The following NEK5 variants were observed in gnomAD, a reference collection of about 807,000 sequenced individuals.
NEK5 encodes the protein NIMA related kinase 5.
NEK5 carries 88 observed loss-of-function variants against 109.2 expected under a neutral mutation model. The observed-to-expected ratio is 0.81, with a 90% CI of 0.68 to 0.96. NEK5 has a LOEUF of 0.96. Ranked by LOEUF, NEK5 falls within the 40% of genes least tolerant of loss-of-function variation. The pLI, the probability that NEK5 is intolerant of heterozygous loss-of-function variation, is 0.00. For synonymous variants in NEK5, 283 were observed against 299.9 expected (o/e 0.94, Z 0.58); for missense variants, 834 against 920.7 (o/e 0.91, Z 1.22).
intron 9 of NEK5, among the ~76,000 whole-genome samples, chr13:52,103,356 A>G (rs1955581097): frequency 1.3e-5 from 2 of 152,216 alleles, no homozygotes; most frequent in Admixed American, 6.5e-5. Context: ...GCTTGTACCC[A>G]GGAGTCAGAG....
chr13:52,089,324 A>T lies in NEK5; in HGVS notation c.1209-11T>A. ...AGGTACTCAGCAGGCCTTAGAAAAT[A>T]AGAATGTTCAGCTTAAGTAGAAACT... On this transcript the variant is annotated splice_polypyrimidine_tract_variant and intron_variant, in intron 13 of 23. Coordinates refer to ENST00000684899, the MANE Select transcript of NEK5 (RefSeq NM_001365552.1). The T allele has an allele frequency of 6.3e-7, 1 of 1,576,970 alleles. No individual in the cohort carries two copies. The highest frequency in any genetic ancestry group is 8.7e-7 in the Non-Finnish European group (1 of 1,149,154).
chr13:52,039,346 C>G (rs1417366602), intron 23 of NEK5, among the ~76,000 whole-genome samples: 5 of 152,104 alleles, frequency 3.3e-5, no homozygotes, highest in African/African-American at 1.2e-4. Context: ...ATGGAGGACC[C>G]CACTAAAACT....
chr13:52,084,714 AGAGAGAGAGAGAGAGAGAGT>A (rs1405590824), intron 16 of NEK5, among the ~76,000 whole-genome samples: 9 of 127,168 alleles, frequency 7.1e-5, no homozygotes, highest in East Asian at 2.2e-4. Context: ...ATTTAAAGAG[AGAGAGAGAGAGAGAGAGAGT>A]GAGAGAGAGA....
chr13:52,064,882 G>T, intron 21 of NEK5: 1 of 266,760 alleles, frequency 3.7e-6, no homozygotes, highest in Non-Finnish European at 7.2e-6. Context: ...TGGATTAAGG[G>T]CAGTGCAAGA....
chr13:52,089,032 A>C (rs933856435), intron 14 of NEK5, among the ~76,000 whole-genome samples: 3 of 152,034 alleles, frequency 2.0e-5, no homozygotes, highest in African/African-American at 4.8e-5. Context: ...CAGAGGTTGC[A>C]GTGAGCCAAG....
At chr13:52,127,168 G>A (rs973712165) in intron 3 of NEK5, among the ~76,000 whole-genome samples, 198 bp downstream of exon 3, 3 of 152,292 alleles carry the variant, frequency 2.0e-5, no homozygotes, top group African/African-American at 7.2e-5. Flanking sequence ...ACAGGGGTGA[G>A]CCAGTGCGTC....
intron 22 of NEK5, among the ~76,000 whole-genome samples, chr13:52,060,397 C>T (rs1252165854): frequency 6.6e-6 from 1 of 152,138 alleles, no homozygotes; most frequent in Non-Finnish European, 1.5e-5. Flanking sequence ...TCTTGTCCCC[C>T]AGGCTGGAGT....
In NEK5 at chr13:52,102,193, A is replaced by AT; in HGVS notation, c.708dup (p.Ser237IlefsTer34). ...CGAGGAGATACTTGAAAGAGCTGAGATATCAAGGAATGGAGCTCACGAGAA... is the reference window on the plus strand; with the variant it reads ...CGAGGAGATACTTGAAAGAGCTGAGATTATCAAGGAATGGAGCTCACGAGAA... On this transcript the variant is annotated frameshift_variant, in exon 10 of 24. Transcript: ENST00000684899. LOFTEE classifies it high-confidence loss of function. The AT allele has an allele frequency of 6.2e-7, 1 of 1,613,708 alleles. No homozygotes were observed. Among genetic ancestry groups the AT allele is most frequent in the Non-Finnish European group, 8.5e-7 (1 of 1,179,596 alleles).
At chr13:52,050,720 C>CTTTTTTTTTTTT (rs772811272) in intron 22 of NEK5, among the ~76,000 whole-genome samples, 4 of 99,940 alleles carry the variant, frequency 4.0e-5, no homozygotes, top group Non-Finnish European at 4.2e-5. Flanking sequence ...TTGTTTTTTT[C>CTTTTTTTTTTTT]TTTTTTTTTT....
At chr13:52,095,631 T>A (rs988149409) in intron 12 of NEK5, among the ~76,000 whole-genome samples, 22 of 152,236 alleles carry the variant, frequency 1.4e-4, no homozygotes, top group Admixed American at 1.3e-3. Context: ...CTCACGCCTA[T>A]AATCCCAGCA....
intron 11 of NEK5, among the ~76,000 whole-genome samples, chr13:52,101,372 C>T (rs1431614532): frequency 6.6e-6 from 1 of 152,004 alleles, no homozygotes; most frequent in Non-Finnish European, 1.5e-5. Flanking sequence ...TGCACTCCAG[C>T]CTGGGCGACA....
At position 52,089,054 on chromosome 13, in the gene NEK5, G is replaced by A. The variant is rs553437491; in HGVS notation, c.1275+193C>T. 2.7e-3 allele frequency among the ~76,000 whole-genome samples: 413 copies of A among 151,880 alleles called. 3 individuals carry two copies. Among genetic ancestry groups the A allele is most frequent in the African/African-American group, 7.5e-3 (309 of 41,368 alleles). ...TGCAGTGAGCCAAGATCACACCACT[G>A]CACTCCAGCCTGGTGACAGAGCGAG... On this transcript the variant is annotated intron_variant, in intron 14 of 23. Coordinates refer to ENST00000684899, the MANE Select transcript of NEK5 (RefSeq NM_001365552.1).
rs1407766470 is a variant in NEK5 at position 52,037,220 on chromosome 13, T to C, written c.2229-2A>G. On this transcript the variant is annotated splice_acceptor_variant, in intron 23 of 23. Transcript: ENST00000684899. LOFTEE classifies it high-confidence loss of function. ...TCATCTTCAGATTCTTCAAAATTTC[T>C]GAAATAATAAGCAGTAAAAATCAGC... The C allele has an allele frequency of 1.0e-6, 1 of 981,176 alleles. No individual in the cohort carries two copies. Among genetic ancestry groups the C allele is most frequent in the Non-Finnish European group, 1.2e-6 (1 of 826,224 alleles). 60.8% of individuals were successfully genotyped at this position (981,176 alleles called of 1,614,324 possible).
At position 52,112,454 on chromosome 13, in the gene NEK5, T is replaced by C. The variant is rs1270186512; in HGVS notation, c.215-89A>G. On this transcript the variant is annotated intron_variant, in intron 4 of 23. Transcript: ENST00000684899. ...TGTGGAATCAAGATGGACTGGGTTCTAATTCCACTATACCATTTATATTTC... is the reference window on the plus strand; with the variant it reads ...TGTGGAATCAAGATGGACTGGGTTCCAATTCCACTATACCATTTATATTTC... 4.9e-6 allele frequency: 4 copies of C among 811,768 alleles called. No homozygotes were observed. The African/African-American group carries it at 6.8e-5, about 14-fold the overall frequency. The allele number at this position is 811,768 out of a possible 1,614,324, so 50.3% of individuals were successfully genotyped here. A position where few individuals can be genotyped will look rare whatever the true frequency, so the allele number is the denominator to read the frequency against.
intron 23 of NEK5, 37 bp from the exon 24 acceptor site, chr13:52,037,255 T>C (rs1954368629): frequency 1.1e-6 from 1 of 909,646 alleles, no homozygotes; most frequent in Non-Finnish European, 1.3e-6. Context: ...CATTATGATA[T>C]GAAAGTACTG....
intron 21 of NEK5, among the ~76,000 whole-genome samples, chr13:52,062,708 T>G (rs982977326): frequency 2.6e-5 from 4 of 152,100 alleles, no homozygotes; most frequent in Non-Finnish European, 4.4e-5. Flanking sequence ...CGTAAACCAC[T>G]GCACCCAGCC....
At chr13:52,080,303 T>C (rs898455837) in intron 17 of NEK5, among the ~76,000 whole-genome samples, 3 of 146,600 alleles carry the variant, frequency 2.0e-5, no homozygotes, top group Non-Finnish European at 4.5e-5. Context: ...AGCCGCCTCG[T>C]CCGGGAGGTG....
chr13:52,087,152 A>G (rs1955163132), intron 15 of NEK5, among the ~76,000 whole-genome samples, 186 bp downstream of exon 15: 1 of 152,232 alleles, frequency 6.6e-6, no homozygotes, highest in Admixed American at 6.5e-5. Context: ...GAAAAGCTTT[A>G]TGAACTTAGC....
chr13:52,068,240 G>A (rs1954721869), intron 20 of NEK5, among the ~76,000 whole-genome samples: 1 of 152,040 alleles, frequency 6.6e-6, no homozygotes, highest in Non-Finnish European at 1.5e-5. Flanking sequence ...CACCCTTACT[G>A]TCCACCCTCC....
Sources: gnomAD v4.1 joint callset for allele counts (sites outside exome capture counted in the v4.1 genomes callset) on GRCh38, gnomAD v4.1.1 for gene constraint, MANE v1.5 for transcripts, NCBI Gene and HGNC (gene_info 2026-07-23, HGNC 2026-07-21) for gene names.